TRIM60: variants seen among roughly 807,000 people sequenced by gnomAD.
TRIM60 encodes the protein tripartite motif containing 60, also known as tripartite motif-containing protein 60.
For synonymous variants in TRIM60, 189 were observed against 195.2 expected (o/e 0.97, Z 0.27); for missense variants, 524 against 540.8 (o/e 0.97, Z 0.31).
chr4:165,040,007 G>T, intron 2 of TRIM60, 62 bp from the exon 3 acceptor site: 1 of 1,376,496 alleles, frequency 7.3e-7, no homozygotes. Context: ...CACTGGGTTT[G>T]CGCTCTACGG....
At chr4:165,036,348 C>G (rs1008096735) in intron 1 of TRIM60, among the ~76,000 whole-genome samples, 1 of 152,032 alleles carries the variant, frequency 6.6e-6, no homozygotes, top group African/African-American at 2.4e-5. Flanking sequence ...AGTGAAACAC[C>G]CATCTCATTA....
Position 165,041,178 on chromosome 4 carries a change from ACTGT to A in TRIM60, c.1109_1112del (p.Cys370PhefsTer22). The A allele has an allele frequency of 1.2e-6, 2 of 1,614,192 alleles. No individual in the cohort carries two copies. The highest frequency in any genetic ancestry group is 1.7e-6 in the Non-Finnish European group (2 of 1,180,050). On this transcript the variant is annotated frameshift_variant, in exon 3 of 3. Transcript: ENST00000512596. LOFTEE classifies it low-confidence loss of function (END_TRUNC). ...AAATGGATATTGGGTGTGTGTCAAGACTGTCTTCTTAGGAACTGGCAGGATCAGC... is the reference window on the plus strand; with the variant it reads ...AAATGGATATTGGGTGTGTGTCAAGACTTCTTAGGAACTGGCAGGATCAGC...
At position 165,040,111 on chromosome 4, in the gene TRIM60, G is replaced by C. The variant is rs1362204470; in HGVS notation, c.39G>C (p.Glu13Asp). The change falls in exon 3 of 3, where the codon GAG (glutamate) becomes GAC (aspartate). Residue 13 changes from glutamate to aspartate, a missense_variant. Coordinates refer to ENST00000512596, the MANE Select transcript of TRIM60 (RefSeq NM_152620.3). ...CAGCCCTGGTGAACCTCCAAGAGGA[G>C]TCTAGCTGTCCCATCTGTCTGGAGT... ...FVTALVNLQE[E>D]SSCPICLEYL... The C allele has an allele frequency of 3.1e-6, 5 of 1,613,216 alleles. No individual in the cohort carries two copies. Among genetic ancestry groups the C allele is most frequent in the Non-Finnish European group, 4.2e-6 (5 of 1,180,018 alleles).
rs1405025900 is a variant in TRIM60, at chr4:165,032,095, C to A, written c.-74C>A. ...CCTGCACAGCATCAGGCCTGAGCCG[C>A]CGGTCCAACTGCTCCAGGTAAGCTG... is the stretch of plus-strand genomic sequence containing the variant. On this transcript the variant is annotated 5_prime_UTR_variant, in exon 1 of 3. Coordinates refer to ENST00000512596, the MANE Select transcript of TRIM60 (RefSeq NM_152620.3). The A allele has an allele frequency of 6.6e-6, 1 of 152,358 alleles. No homozygotes were observed. The highest frequency in any genetic ancestry group is 1.9e-4 in the East Asian group (1 of 5,178). 9.4% of individuals were successfully genotyped at this position (152,358 alleles called of 1,614,324 possible). A position where few individuals can be genotyped will look rare whatever the true frequency, so the allele number is the denominator to read the frequency against.
chr4:165,037,505 A>G (rs1296459272), intron 1 of TRIM60, among the ~76,000 whole-genome samples: 2 of 144,346 alleles, frequency 1.4e-5, no homozygotes, highest in East Asian at 3.9e-4. Flanking sequence ...TATATTTTTT[A>G]GTAGAGATGG....
At chr4:165,039,871 A>T in intron 2 of TRIM60, among the ~76,000 whole-genome samples, 198 bp from the exon 3 acceptor site, 1 of 148,522 alleles carries the variant, frequency 6.7e-6, no homozygotes, top group East Asian at 2.0e-4. Context: ...TTGAATTATT[A>T]TATTATTATC....
chr4:165,040,052 A>T lies in TRIM60; in HGVS notation c.-4-17A>T. On this transcript the variant is annotated splice_polypyrimidine_tract_variant and intron_variant, in intron 2 of 2. Coordinates refer to ENST00000512596, the MANE Select transcript of TRIM60 (RefSeq NM_152620.3). ...TGATCAAAGGGAGGTTACCTTATGC[A>T]TTACCTTTGTTCGCAGCTCGATGGA... 2 of 1,603,570 alleles carry T rather than the reference A, an allele frequency of 1.2e-6. No individual in the cohort carries two copies. Among genetic ancestry groups the T allele is most frequent in the South Asian group, 1.1e-5 (1 of 89,368 alleles).
At chr4:165,036,706 C>T (rs916138093) in intron 1 of TRIM60, among the ~76,000 whole-genome samples, 4 of 151,916 alleles carry the variant, frequency 2.6e-5, no homozygotes, top group Non-Finnish European at 5.9e-5. Context: ...CATGGCGAAA[C>T]CCCGTCTCTA....
chr4:165,041,429 T>C lies in TRIM60; in HGVS notation c.1357T>C (p.Tyr453His). Reference protein sequence around the residue: ...CFTEAVWPYFYTGTDSEPLKI... With the variant: ...CFTEAVWPYFHTGTDSEPLKI... ...CACAGAAGCCGTTTGGCCTTATTTC[T>C]ATACTGGAACAGATTCCGAACCTCT... Residue 453 changes from tyrosine to histidine, a missense_variant, in exon 3 of 3, where the codon TAT becomes CAT. Tyr to His is a moderately conservative substitution (Grantham distance 83). Coordinates refer to ENST00000512596, the MANE Select transcript of TRIM60 (RefSeq NM_152620.3). The C allele has an allele frequency of 6.2e-7, 1 of 1,610,126 alleles. No homozygotes were observed. Among genetic ancestry groups the C allele is most frequent in the East Asian group, 2.2e-5 (1 of 44,852 alleles).
At chr4:165,033,015 C>A (rs1366660452) in intron 1 of TRIM60, among the ~76,000 whole-genome samples, 1 of 149,678 alleles carries the variant, frequency 6.7e-6, no homozygotes, top group Non-Finnish European at 1.5e-5. Flanking sequence ...ATAGTGAGAC[C>A]CCTGTCTCTA....
At chr4:165,032,837 A>G (rs184550835) in intron 1 of TRIM60, among the ~76,000 whole-genome samples, 6 of 152,160 alleles carry the variant, frequency 3.9e-5, no homozygotes, top group Non-Finnish European at 7.4e-5. Flanking sequence ...GAGATCTGGG[A>G]ATCTCCCACA....
chr4:165,033,973 A>G (rs554431588), intron 1 of TRIM60, among the ~76,000 whole-genome samples: 1 of 152,296 alleles, frequency 6.6e-6, no homozygotes, highest in African/African-American at 2.4e-5. Flanking sequence ...TAGTTACTAT[A>G]GTAGGCTAAT....
In TRIM60 at chr4:165,041,044, A is replaced by C. The variant is rs959323563; in HGVS notation, c.972A>C (p.Arg324=). 41 of 1,614,050 alleles carry C rather than the reference A, an allele frequency of 2.5e-5. No homozygotes were observed. Among genetic ancestry groups the C allele is most frequent in the Non-Finnish European group, 3.5e-5 (41 of 1,179,918 alleles). Residue 324 remains arginine (R), a synonymous_variant, in exon 3 of 3, where the codon CGA becomes CGC. Coordinates refer to ENST00000512596, the MANE Select transcript of TRIM60 (RefSeq NM_152620.3). ...CTGTGCGATATGAAAGAAAAAAACG[A>C]AACATTTGTTATGACCCAAGGAGAT... The part of the protein sequence containing the change: ...RKAVRYERKK[R]NICYDPRRFY...
intron 1 of TRIM60, among the ~76,000 whole-genome samples, chr4:165,038,640 CAAA>C (rs34680036): frequency 5.9e-4 from 38 of 64,626 alleles, no homozygotes; most frequent in African/African-American, 1.0e-3. Context: ...GACCCTGTCT[CAAA>C]AAAAAAAAAA....
chr4:165,040,808 C>A lies in TRIM60; in HGVS notation c.736C>A (p.Leu246Met). ...EVEGKSVQSN[L>M]ELLTQAKSMH... ...AGAGGGCAAGTCTGTGCAGTCAAAC[C>A]TGGAATTACTGACACAAGCTAAGAG... Residue 246 changes from leucine to methionine, a missense_variant, in exon 3 of 3, where the codon CTG becomes ATG. By Grantham distance (15) the Leu-to-Met change is conservative. Transcript: ENST00000512596. 1 of 1,614,168 alleles carries A rather than the reference C, an allele frequency of 6.2e-7. No individual in the cohort carries two copies.
intron 1 of TRIM60, among the ~76,000 whole-genome samples, chr4:165,038,377 AT>A (rs35150831): frequency 2.0e-5 from 3 of 151,824 alleles, no homozygotes; most frequent in Admixed American, 6.6e-5. Flanking sequence ...AATGAATTAC[AT>A]TTTTTTTCCC....
chr4:165,036,314 T>C (rs1024274921), intron 1 of TRIM60, among the ~76,000 whole-genome samples: 6 of 152,142 alleles, frequency 3.9e-5, no homozygotes, highest in African/African-American at 1.4e-4. Context: ...CAATGACATA[T>C]AGATGTAGGT....
chr4:165,036,987 G>GA (rs1427430122), intron 1 of TRIM60, among the ~76,000 whole-genome samples: 2 of 152,012 alleles, frequency 1.3e-5, no homozygotes, highest in Admixed American at 1.3e-4. Context: ...TGGATCACCT[G>GA]AGGTCAGGAG....
intron 1 of TRIM60, among the ~76,000 whole-genome samples, chr4:165,035,428 G>T (rs1325317720): frequency 6.6e-6 from 1 of 152,186 alleles, no homozygotes; most frequent in Non-Finnish European, 1.5e-5. Context: ...ATGGTGTGTG[G>T]GATGAAGTCT....
Sources: gnomAD v4.1 joint callset for allele counts (sites outside exome capture counted in the v4.1 genomes callset) on GRCh38, gnomAD v4.1.1 for gene constraint, MANE v1.5 for transcripts, NCBI Gene and HGNC (gene_info 2026-07-23, HGNC 2026-07-21) for gene names.